ADGRL4: variants seen among roughly 807,000 people sequenced by gnomAD.
The protein encoded by ADGRL4 is adhesion G protein-coupled receptor L4.
Under a neutral mutation model 74.8 loss-of-function variants are expected in ADGRL4, and 90 were observed. The observed-to-expected ratio is 1.20, with a 90% CI of 1.02 to 1.43. ADGRL4 has a LOEUF of 1.43. ADGRL4 is among the 40% of genes most tolerant of loss of function. The pLI, the probability that ADGRL4 is intolerant of heterozygous loss-of-function variation, is 0.00. For synonymous variants in ADGRL4, 311 were observed against 279.2 expected (o/e 1.11, Z -1.14); for missense variants, 881 against 814.3 (o/e 1.08, Z -1.00).
At chr1:78,949,941 C>T (rs765731606) in intron 2 of ADGRL4, among the ~76,000 whole-genome samples, 11 of 152,080 alleles carry the variant, frequency 7.2e-5, no homozygotes, top group Non-Finnish European at 1.3e-4. Context: ...ACCTCTGATA[C>T]GCTGAGTTAA....
At chr1:78,943,270 T>C (rs1330025793) in intron 3 of ADGRL4, among the ~76,000 whole-genome samples, 1 of 152,262 alleles carries the variant, frequency 6.6e-6, no homozygotes, top group African/African-American at 2.4e-5. Flanking sequence ...ATTGAAGGAA[T>C]TCATGGCTTC....
intron 12 of ADGRL4, among the ~76,000 whole-genome samples, chr1:78,912,996 C>T (rs1228188082): frequency 6.6e-6 from 1 of 151,808 alleles, no homozygotes; most frequent in Non-Finnish European, 1.5e-5. Context: ...AGACACTGTT[C>T]AAAAGGAGAC....
intron 2 of ADGRL4, among the ~76,000 whole-genome samples, chr1:79,003,758 A>G (rs2100745209): frequency 6.6e-6 from 1 of 152,170 alleles, no homozygotes; most frequent in Admixed American, 6.5e-5. Flanking sequence ...CTATGGTACA[A>G]TTTGTAATGA....
intron 2 of ADGRL4, among the ~76,000 whole-genome samples, chr1:78,995,336 A>G (rs1650691801): frequency 6.6e-6 from 1 of 152,182 alleles, no homozygotes; most frequent in Non-Finnish European, 1.5e-5. Context: ...ACCAGAGAAA[A>G]TATGGAAAAA....
intron 2 of ADGRL4, among the ~76,000 whole-genome samples, chr1:78,986,051 C>T (rs78086991): frequency 6.6e-6 from 1 of 151,376 alleles, no homozygotes. Context: ...GGGTTAGGAT[C>T]GAAAAACTGC....
At chr1:78,918,176 A>G (rs1468298074) in intron 10 of ADGRL4, 126 bp from the exon 11 acceptor site, 4 of 669,074 alleles carry the variant, frequency 6.0e-6, no homozygotes, top group Non-Finnish European at 1.0e-5. Context: ...ACTTTATATA[A>G]TGATTAGTCA....
intron 7 of ADGRL4, among the ~76,000 whole-genome samples, chr1:78,930,112 G>T (rs578141039): frequency 6.6e-6 from 1 of 151,334 alleles, no homozygotes; most frequent in Admixed American, 6.6e-5. Context: ...TAGAGGATAC[G>T]AAAACACTTC....
At chr1:78,985,507 C>T (rs1650475093) in intron 2 of ADGRL4, among the ~76,000 whole-genome samples, 1 of 151,664 alleles carries the variant, frequency 6.6e-6, no homozygotes, top group Non-Finnish European at 1.5e-5. Flanking sequence ...TAATTTCGAC[C>T]TTTAACTGTT....
Position 78,944,172 on chromosome 1 carries a change from G to A in ADGRL4, c.325+2102C>T, listed in dbSNP as rs190469181. On this transcript the variant is annotated intron_variant, in intron 3 of 14. Coordinates refer to ENST00000370742, the MANE Select transcript of ADGRL4 (RefSeq NM_022159.4). The stretch of plus-strand genomic sequence containing the variant: ...GAAATGTAGCCCTTTGTGAGTTGAG[G>A]GTTATTAAAAGTAAACATGATCAGA... Among the ~76,000 whole-genome samples the A allele has an allele frequency of 2.5e-4, 38 of 152,042 alleles. 2 individuals carry two copies. In the East Asian group the frequency reaches 6.4e-3, roughly 26 times the overall value.
intron 2 of ADGRL4, among the ~76,000 whole-genome samples, chr1:78,950,798 A>G (rs999271798): frequency 6.6e-6 from 1 of 152,126 alleles, no homozygotes; most frequent in African/African-American, 2.4e-5. Context: ...AGCAGCAAAA[A>G]TGAAATCCAG....
chr1:78,930,431 T>A (rs1342640979), intron 7 of ADGRL4, among the ~76,000 whole-genome samples: 1 of 147,096 alleles, frequency 6.8e-6, no homozygotes, highest in African/African-American at 2.6e-5. Flanking sequence ...GCTAGTTAGG[T>A]ACCAAGGAAA....
intron 7 of ADGRL4, 73 bp from the exon 8 acceptor site, chr1:78,927,164 A>G (rs2100677815): frequency 1.0e-6 from 1 of 987,992 alleles, no homozygotes; most frequent in East Asian, 2.5e-5. Flanking sequence ...AGATAAACAT[A>G]AAAATTGAAT....
At chr1:78,956,379 C>G (rs1321088861) in intron 2 of ADGRL4, among the ~76,000 whole-genome samples, 1 of 152,090 alleles carries the variant, frequency 6.6e-6, no homozygotes, top group African/African-American at 2.4e-5. Flanking sequence ...ATTAGTCGTT[C>G]ATAGAGATTT....
At chr1:78,942,449 A>G (rs1257738616) in intron 3 of ADGRL4, among the ~76,000 whole-genome samples, 1 of 152,200 alleles carries the variant, frequency 6.6e-6, no homozygotes, top group African/African-American at 2.4e-5. Context: ...TCTATTAAAA[A>G]AGAAACCTCT....
chr1:78,959,452 T>C (rs1158129762), intron 2 of ADGRL4, among the ~76,000 whole-genome samples: 1 of 152,164 alleles, frequency 6.6e-6, no homozygotes, highest in Non-Finnish European at 1.5e-5. Context: ...GCCAGGCCAA[T>C]AGTTTTTAAA....
intron 3 of ADGRL4, among the ~76,000 whole-genome samples, chr1:78,941,697 T>C (rs931459406): frequency 4.6e-5 from 7 of 152,248 alleles, no homozygotes; most frequent in African/African-American, 1.4e-4. Context: ...CCAGTGAAAC[T>C]GGCTTGTCTA....
chr1:78,957,855 A>G (rs1649867001), intron 2 of ADGRL4, among the ~76,000 whole-genome samples: 1 of 152,196 alleles, frequency 6.6e-6, no homozygotes, highest in African/African-American at 2.4e-5. Context: ...GCTAGAGAGG[A>G]GAAGTCAATG....
At chr1:78,927,592 CA>C (rs1241201910) in intron 7 of ADGRL4, among the ~76,000 whole-genome samples, 1 of 152,042 alleles carries the variant, frequency 6.6e-6, no homozygotes, top group Non-Finnish European at 1.5e-5. Context: ...ATATTGATAA[CA>C]TGTAATTATG....
At chr1:78,973,924 T>C (rs1650226161) in intron 2 of ADGRL4, among the ~76,000 whole-genome samples, 1 of 152,110 alleles carries the variant, frequency 6.6e-6, no homozygotes, top group South Asian at 2.1e-4. Context: ...TTGGTAGTTA[T>C]GGGCTTTACT....
Sources: allele counts gnomAD v4.1 joint callset (sites outside exome capture counted in the v4.1 genomes callset), GRCh38; gene constraint gnomAD v4.1.1; transcripts MANE v1.5; gene names NCBI Gene and HGNC (gene_info 2026-07-23, HGNC 2026-07-21).